Variants in ZBBX observed in about 807,000 individuals in gnomAD.
ZBBX encodes zinc finger B-box domain-containing protein 1.
In ZBBX, 101 loss-of-function variants were observed where a neutral mutation model predicts 108.5. That is an observed-to-expected ratio of 0.93 (90% confidence interval 0.79 to 1.10). The LOEUF is 1.10. ZBBX is among the 50% of genes least tolerant of loss of function. The probability of loss-of-function intolerance (pLI) is 0.00; values close to 1 mark genes in which losing one functional copy is unlikely to be tolerated. For missense variants in ZBBX, 1,009 were observed against 941.4 expected (o/e 1.07, Z -0.94); for synonymous variants, 356 against 323.4 (o/e 1.10, Z -1.08).
chr3:167,264,924 G>A (rs559198584), intron 20 of ZBBX, among the ~76,000 whole-genome samples: 1 of 152,156 alleles, frequency 6.6e-6, no homozygotes, highest in African/African-American at 2.4e-5. Context: ...CTCTTCCATC[G>A]GCTTATGATG....
At chr3:167,348,294 A>AAGGAAGGAAGGAAGGAAGGAAG (rs1741889496) in intron 9 of ZBBX, among the ~76,000 whole-genome samples, 1 of 63,440 alleles carries the variant, frequency 1.6e-5, no homozygotes. Flanking sequence ...AAGGAAGGAA[A>AAGGAAGGAAGGAAGGAAGGAAG]GAAGAAAGAG....
At position 167,350,526 on chromosome 3, in the gene ZBBX, A is replaced by AT; in HGVS notation, c.433-12dup. The AT allele has an allele frequency of 6.5e-7, 1 of 1,548,266 alleles. No individual in the cohort carries two copies. Among genetic ancestry groups the AT allele is most frequent in the Non-Finnish European group, 8.8e-7 (1 of 1,140,888 alleles). ...ACATTCAAGGCATACCTAAAAAGAT[A>AT]TTTTTTAAAAAATTATACAATCTTA... is the stretch of plus-strand genomic sequence containing the variant. On this transcript the variant is annotated splice_polypyrimidine_tract_variant and intron_variant, in intron 8 of 21. Transcript: ENST00000675490.
rs1553820669 is a variant in ZBBX at position 167,330,871 on chromosome 3, G to GAAGAAGA, written c.688-2756_688-2755insTCTTCTT. Among the ~76,000 whole-genome samples, 136 of 43,928 alleles carry GAAGAAGA rather than the reference G, an allele frequency of 3.1e-3. 17 individuals carry two copies. The highest frequency in any genetic ancestry group is 0.022 in the Middle Eastern group (2 of 92). 28.8% of individuals were successfully genotyped at this position (43,928 alleles called of 152,430 possible). ...GGAGGAGGAGGAGGAGGAGGAGGAG[G>GAAGAAGA]AGAAGAAGAAGAAGAAGAAGAAGAA... On this transcript the variant is annotated intron_variant, in intron 10 of 21. Coordinates refer to ENST00000675490, the MANE Select transcript of ZBBX (RefSeq NM_001199201.2).
In ZBBX at chr3:167,332,517, G is replaced by A. The variant is rs1738828680; in HGVS notation, c.687+1310C>T. Reference sequence around the variant, plus strand: ...GTAAAGATTAATAAATAACACAGAGGAGCCTACTCTATCACTTTCTAGTAA... The same window carrying A: ...GTAAAGATTAATAAATAACACAGAGAAGCCTACTCTATCACTTTCTAGTAA... On this transcript the variant is annotated intron_variant, in intron 10 of 21. Transcript: ENST00000675490. Among the ~76,000 whole-genome samples, 6 of 152,132 alleles carry A rather than the reference G, an allele frequency of 3.9e-5. No individual in the cohort carries two copies. In the South Asian group the frequency reaches 8.3e-4, roughly 21 times the overall value.
intron 17 of ZBBX, among the ~76,000 whole-genome samples, chr3:167,304,227 A>G (rs920758304): frequency 3.9e-5 from 6 of 152,188 alleles, no homozygotes; most frequent in Non-Finnish European, 8.8e-5. Flanking sequence ...TAATGAAGAT[A>G]GTCTTCCTCT....
chr3:167,257,813 T>C (rs140943617), intron 20 of ZBBX, among the ~76,000 whole-genome samples: 78 of 152,218 alleles, frequency 5.1e-4, no homozygotes, highest in African/African-American at 1.8e-3. Context: ...TTGAGCATTG[T>C]CTATTCATGT....
chr3:167,216,570 G>A, the ZBBX span, among the ~76,000 whole-genome samples: 3 of 152,196 alleles, frequency 2.0e-5, no homozygotes, highest in African/African-American at 7.2e-5. Context: ...CAGATGCAAT[G>A]CTATTCCTCT....
the ZBBX span, among the ~76,000 whole-genome samples, chr3:167,184,297 G>C: frequency 6.6e-6 from 1 of 152,140 alleles, no homozygotes; most frequent in Non-Finnish European, 1.5e-5. Context: ...GTGCATGCCT[G>C]TTGCTTCTTG....
intron 1 of ZBBX, among the ~76,000 whole-genome samples, chr3:167,401,865 C>T (rs1236798415): frequency 6.6e-6 from 1 of 152,168 alleles, no homozygotes; most frequent in Admixed American, 6.5e-5. Context: ...ACACCTCTGA[C>T]ATTATGAGAA....
At chr3:167,321,980 G>A (rs1431519527) in intron 12 of ZBBX, 137 bp downstream of exon 12, 9 of 457,336 alleles carry the variant, frequency 2.0e-5, no homozygotes, top group Non-Finnish European at 2.9e-5. Context: ...AACTTCACAG[G>A]GATTTAATCT....
upstream of ZBBX, among the ~76,000 whole-genome samples, chr3:167,383,461 A>G (rs1747811096): frequency 6.6e-6 from 1 of 152,134 alleles, no homozygotes; most frequent in South Asian, 2.1e-4. Context: ...AGTATGATAT[A>G]AATATATTTA....
In ZBBX at chr3:167,271,454, C is replaced by A. The variant is rs1312919872; in HGVS notation, c.2254+10784G>T. 2.0e-5 allele frequency among the ~76,000 whole-genome samples: 3 copies of A among 151,968 alleles called. No homozygotes were observed. The East Asian group carries it at 5.8e-4, about 29-fold the overall frequency. On this transcript the variant is annotated intron_variant, in intron 20 of 21. Coordinates refer to ENST00000675490, the MANE Select transcript of ZBBX (RefSeq NM_001199201.2). ...TCTACTGCAGTCCCTGTCTTCTCAGCCGTGGAAAAAGAAAAATTAATAAAA... is the reference window on the plus strand; with the variant it reads ...TCTACTGCAGTCCCTGTCTTCTCAGACGTGGAAAAAGAAAAATTAATAAAA...
At chr3:167,368,745 C>G (rs1165841510) in intron 4 of ZBBX, 171 bp from the exon 5 acceptor site, 3 of 1,268,332 alleles carry the variant, frequency 2.4e-6, no homozygotes, top group Non-Finnish European at 3.0e-6. Context: ...TGCCTTCCAT[C>G]AAAATCCTGA....
At chr3:167,393,463 A>G (rs577902004) in intron 1 of ZBBX, among the ~76,000 whole-genome samples, 1 of 151,762 alleles carries the variant, frequency 6.6e-6, no homozygotes, top group East Asian at 1.9e-4. Context: ...CTTATTTTTT[A>G]CCAAAATTGC....
chr3:167,250,671 C>G (rs1341697195), intron 20 of ZBBX, among the ~76,000 whole-genome samples: 1 of 152,080 alleles, frequency 6.6e-6, no homozygotes, highest in African/African-American at 2.4e-5. Context: ...AACAATGCCC[C>G]CTGTCAGCAG....
Position 167,292,840 on chromosome 3 carries a change from T to C in ZBBX, c.1880-3857A>G, listed in dbSNP as rs1730949346. ...AAGAAGAAAAGAGAGAAGAATCAAA[T>C]AGATGCAATAAAAATGGCAAAGGGG... On this transcript the variant is annotated intron_variant, in intron 18 of 21. Transcript: ENST00000675490. 3.9e-5 allele frequency among the ~76,000 whole-genome samples: 6 copies of C among 151,924 alleles called. No homozygotes were observed. In the South Asian group the frequency reaches 1.2e-3, roughly 32 times the overall value.
At chr3:167,253,051 T>G (rs953132012) in intron 20 of ZBBX, among the ~76,000 whole-genome samples, 1 of 152,198 alleles carries the variant, frequency 6.6e-6, no homozygotes, top group African/African-American at 2.4e-5. Context: ...GCAAGGTAAA[T>G]GAATGATGGG....
intron 11 of ZBBX, among the ~76,000 whole-genome samples, chr3:167,325,548 C>T (rs370284773): frequency 1.3e-5 from 2 of 152,188 alleles, no homozygotes; most frequent in East Asian, 3.9e-4. Context: ...GGGGACACAG[C>T]CAAACCATAA....
chr3:167,388,533 G>A (rs755109147), intron 1 of ZBBX, among the ~76,000 whole-genome samples: 2 of 151,912 alleles, frequency 1.3e-5, no homozygotes, highest in Non-Finnish European at 2.9e-5. Context: ...CTAAGTTATG[G>A]TATTAAGGAC....
Sources: gnomAD v4.1 joint callset for allele counts (sites outside exome capture counted in the v4.1 genomes callset) on GRCh38, gnomAD v4.1.1 for gene constraint, MANE v1.5 for transcripts, NCBI Gene and HGNC (gene_info 2026-07-23, HGNC 2026-07-21) for gene names.